Variants in AFAP1 observed in about 807,000 individuals in gnomAD.
The protein encoded by AFAP1 is actin filament associated protein 1, also known as actin filament-associated protein 1.
AFAP1 carries 75 observed loss-of-function variants against 93.9 expected under a neutral mutation model. That is an observed-to-expected ratio of 0.80 (90% CI 0.66 to 0.97). The LOEUF is 0.97. Among genes scored for constraint, AFAP1 ranks in the 50% least tolerant of loss-of-function variants. The pLI, the probability that AFAP1 is intolerant of heterozygous loss-of-function variation, is 0.00. For synonymous variants in AFAP1, 517 were observed against 430.7 expected (o/e 1.20, Z -2.48); for missense variants, 1,201 against 1,050.8 (o/e 1.14, Z -1.98).
rs1225319505 is a variant in AFAP1, at chr4:7,761,817, G to GGTGGGAAGTGACC, written c.*1935_*1947dup. 6.6e-6 allele frequency: 1 copy of GGTGGGAAGTGACC among 152,320 alleles called. No homozygotes were observed. Among genetic ancestry groups the GGTGGGAAGTGACC allele is most frequent in the African/African-American group, 2.4e-5 (1 of 41,462 alleles). The allele number at this position is 152,320 out of a possible 1,614,324, so 9.4% of individuals were successfully genotyped here. A position where few individuals can be genotyped will look rare whatever the true frequency, so the allele number is the denominator to read the frequency against. On this transcript the variant is annotated 3_prime_UTR_variant, in exon 18 of 18. Coordinates refer to ENST00000420658, the MANE Select transcript of AFAP1 (RefSeq NM_001134647.2). ...CAATGGTGGGAAGTCTGCCTGCAAT[G>GGTGGGAAGTGACC]GTGGGAAGTGACCACTGGAGGGAGG...
intron 14 of AFAP1, chr4:7,778,106 C>T (rs780827319): frequency 1.3e-5 from 2 of 153,202 alleles, no homozygotes; most frequent in Non-Finnish European, 2.9e-5. Context: ...CCCACTCTGG[C>T]TCTGTGATTT....
At chr4:7,847,161 A>C (rs1020679832) in intron 4 of AFAP1, among the ~76,000 whole-genome samples, 29 of 152,304 alleles carry the variant, frequency 1.9e-4, no homozygotes, top group Middle Eastern at 3.4e-3. Context: ...GCAATGACCC[A>C]AACAAGAGAA....
At chr4:7,887,666 T>C (rs1718209624) in intron 1 of AFAP1, among the ~76,000 whole-genome samples, 1 of 152,220 alleles carries the variant, frequency 6.6e-6, no homozygotes, top group Non-Finnish European at 1.5e-5. Context: ...ACTGCAAACT[T>C]AAACTCAGAA....
chr4:7,776,713 C>T (rs570496399), intron 14 of AFAP1: 3 of 152,298 alleles, frequency 2.0e-5, no homozygotes, highest in Non-Finnish European at 2.9e-5. Flanking sequence ...ACAGCAAAAG[C>T]GTCGGCAGCC....
At chr4:7,773,973 A>C (rs1403590497) in intron 15 of AFAP1, 5 of 152,380 alleles carry the variant, frequency 3.3e-5, no homozygotes, top group Admixed American at 1.3e-4. Flanking sequence ...TGGACCACCC[A>C]GGGCTCTGAG....
intron 1 of AFAP1, among the ~76,000 whole-genome samples, chr4:7,886,686 T>C (rs1718159180): frequency 2.0e-5 from 3 of 152,138 alleles, no homozygotes; most frequent in South Asian, 2.1e-4. Context: ...TATTGTTCTG[T>C]AGAAGGCAAA....
intron 4 of AFAP1, among the ~76,000 whole-genome samples, chr4:7,848,772 C>T (rs903001898): frequency 5.3e-5 from 8 of 152,114 alleles, no homozygotes; most frequent in African/African-American, 1.7e-4. Flanking sequence ...CAACTTCACA[C>T]CTCAAATTCA....
At chr4:7,832,893 A>G (rs761890430) in intron 6 of AFAP1, among the ~76,000 whole-genome samples, 1 of 152,150 alleles carries the variant, frequency 6.6e-6, no homozygotes, top group African/African-American at 2.4e-5. Context: ...ACAAAAACAT[A>G]AAGTGGGGAA....
intron 3 of AFAP1, among the ~76,000 whole-genome samples, chr4:7,856,515 C>T (rs929104034): frequency 6.6e-6 from 1 of 152,284 alleles, no homozygotes; most frequent in Non-Finnish European, 1.5e-5. Context: ...GCTGGGATTA[C>T]AGGTGTCAGC....
Position 7,819,130 on chromosome 4 carries a change from A to C in AFAP1, c.768T>G (p.Asp256Glu). Reference protein sequence around the residue: ...EAYSGCSGPVDSECPPPPSSP... With the variant: ...EAYSGCSGPVESECPPPPSSP... ...AGCTTGGTGGAGGAGGACACTCTGA[A>C]TCCACGGGGCCACTACAACCACTGT... is the stretch of plus-strand genomic sequence containing the variant. The change falls in exon 7 of 18, where the codon GAT (aspartate) becomes GAG (glutamate). Residue 256 changes from aspartate to glutamate, a missense_variant. Asp to Glu is a conservative substitution (Grantham distance 45). Coordinates refer to ENST00000420658, the MANE Select transcript of AFAP1 (RefSeq NM_001134647.2). The C allele has an allele frequency of 6.2e-7, 1 of 1,613,874 alleles. No individual in the cohort carries two copies. The highest frequency in any genetic ancestry group is 2.2e-5 in the East Asian group (1 of 44,876).
At chr4:7,801,927 A>AC (rs1553832677) in intron 9 of AFAP1, among the ~76,000 whole-genome samples, 2 of 151,088 alleles carry the variant, frequency 1.3e-5, no homozygotes, top group African/African-American at 4.9e-5. Flanking sequence ...AAAAAAAAAA[A>AC]AAAAAAAAAA....
At chr4:7,881,270 G>A (rs923251552) in intron 1 of AFAP1, among the ~76,000 whole-genome samples, 2 of 151,994 alleles carry the variant, frequency 1.3e-5, no homozygotes, top group Non-Finnish European at 2.9e-5. Context: ...TGGCCCTCAT[G>A]GGGTGACCCT....
chr4:7,872,118 G>A lies in AFAP1; in HGVS notation c.-2-38C>T, dbSNP rs576587379. Reference sequence around the variant, plus strand: ...GAGGAAGAGTATTATTAGACCCAGTGATTTGCAAATGTCAAAGTATGAATA... The same window carrying A: ...GAGGAAGAGTATTATTAGACCCAGTAATTTGCAAATGTCAAAGTATGAATA... On this transcript the variant is annotated intron_variant, in intron 1 of 17. Transcript: ENST00000420658. 16 of 1,610,100 alleles carry A rather than the reference G, an allele frequency of 9.9e-6. No individual in the cohort carries two copies. In the African/African-American group the frequency reaches 2.0e-4, roughly 20 times the overall value.
chr4:7,824,310 G>A (rs2149080940), intron 6 of AFAP1, among the ~76,000 whole-genome samples: 1 of 152,264 alleles, frequency 6.6e-6, no homozygotes, highest in East Asian at 1.9e-4. Flanking sequence ...CTCGACTCCA[G>A]AAACACAATC....
Position 7,842,916 on chromosome 4 carries a change from T to C in AFAP1, c.546+223A>G, listed in dbSNP as rs1305283735. 9.3e-6 allele frequency: 5 copies of C among 536,210 alleles called. No homozygotes were observed. The East Asian group carries it at 1.5e-4, about 17-fold the overall frequency. The allele number at this position is 536,210 out of a possible 1,614,324, so 33.2% of individuals were successfully genotyped here. A position where few individuals can be genotyped will look rare whatever the true frequency, so the allele number is the denominator to read the frequency against. Reference sequence around the variant, plus strand: ...AATGATTTTGTTCGCTGGCTGCTTTTGGAGCTGGGAAACCGGCAACCTTGA... The same window carrying C: ...AATGATTTTGTTCGCTGGCTGCTTTCGGAGCTGGGAAACCGGCAACCTTGA... On this transcript the variant is annotated intron_variant, in intron 5 of 17. Transcript: ENST00000420658.
intron 1 of AFAP1, among the ~76,000 whole-genome samples, chr4:7,934,873 A>G (rs751923663): frequency 1.3e-5 from 2 of 152,238 alleles, no homozygotes; most frequent in African/African-American, 2.4e-5. Context: ...ATTTACGTGG[A>G]CATTCATTAC....
At chr4:7,882,018 C>T (rs2149197471) in intron 1 of AFAP1, among the ~76,000 whole-genome samples, 1 of 152,216 alleles carries the variant, frequency 6.6e-6, no homozygotes, top group East Asian at 1.9e-4. Context: ...TCATTATTAG[C>T]ACATGTTCAT....
intron 10 of AFAP1, among the ~76,000 whole-genome samples, chr4:7,796,633 C>A (rs1718441342): frequency 1.3e-5 from 2 of 151,698 alleles, no homozygotes; most frequent in African/African-American, 4.8e-5. Context: ...CACCTGTAAT[C>A]CCAGCTACTC....
In AFAP1 at chr4:7,781,435, C is replaced by T; in HGVS notation, c.1723G>A (p.Ala575Thr). ...SSNHYKYPAS[A>T]QSVTNTSSVG... is the part of the protein sequence containing the mutation. ...GAAGAGGTATTAGTGACAGACTGAG[C>T]GGAGGCAGGGTATTTGTAATGGTTA... The change falls in exon 13 of 18, where the codon GCT becomes ACT. Residue 575 changes from alanine to threonine, a missense_variant. Physicochemically the swap from Ala to Thr is moderately conservative, Grantham distance 58 (BLOSUM62 0). Transcript: ENST00000420658. The T allele has an allele frequency of 6.4e-7, 1 of 1,552,024 alleles. No individual in the cohort carries two copies. Among genetic ancestry groups the T allele is most frequent in the Non-Finnish European group, 8.7e-7 (1 of 1,147,070 alleles).
Sources: gnomAD v4.1 joint callset for allele counts (sites outside exome capture counted in the v4.1 genomes callset) on GRCh38, gnomAD v4.1.1 for gene constraint, MANE v1.5 for transcripts, NCBI Gene and HGNC (gene_info 2026-07-23, HGNC 2026-07-21) for gene names.